The following TTC5 variants were observed in gnomAD, a reference collection of about 807,000 sequenced individuals.
The protein encoded by TTC5 is tetratricopeptide repeat domain 5, also known as tetratricopeptide repeat protein 5.
Under a neutral mutation model 57.4 loss-of-function variants are expected in TTC5, and 46 were observed. The ratio of observed to expected loss-of-function variants is 0.80; its 90% confidence interval spans 0.63 to 1.03. The LOEUF (loss-of-function observed/expected upper bound fraction) is 1.03. TTC5 is among the 50% of genes least tolerant of loss of function. TTC5 has a pLI of 0.00. For missense variants in TTC5, 504 were observed against 528.1 expected, an observed-to-expected ratio of 0.95 and a Z score of 0.45; for synonymous variants, 190 against 203.5, an observed-to-expected ratio of 0.93 and a Z score of 0.57.
chr14:20,303,080 T>G (rs893337599), intron 1 of TTC5, among the ~76,000 whole-genome samples: 17 of 151,864 alleles, frequency 1.1e-4, no homozygotes, highest in Admixed American at 7.2e-4. Flanking sequence ...TAGTCCCACC[T>G]ACTCGGGAGG....
chr14:20,304,752 G>A (rs150475049), intron 1 of TTC5, among the ~76,000 whole-genome samples: 2 of 152,130 alleles, frequency 1.3e-5, no homozygotes, highest in South Asian at 2.1e-4. Flanking sequence ...TTTTAGAGAA[G>A]GGCTTATTGA....
intron 3 of TTC5, 86 bp downstream of exon 3, chr14:20,300,521 G>A: frequency 8.6e-7 from 1 of 1,168,014 alleles, no homozygotes; most frequent in Non-Finnish European, 1.2e-6. Context: ...GTTCTACTCT[G>A]GTATTCATGT....
chr14:20,296,499 G>A (rs373138356), intron 5 of TTC5, 53 bp from the exon 6 acceptor site: 114 of 1,411,112 alleles, frequency 8.1e-5, no homozygotes, highest in Middle Eastern at 1.8e-4. Flanking sequence ...GTTAAGGACT[G>A]ACATGCCCAA....
At position 20,298,836 on chromosome 14, in the gene TTC5, A is replaced by G. The variant is rs1882120929; in HGVS notation, c.600T>C (p.Pro200=). The G allele has an allele frequency of 2.5e-6, 4 of 1,614,054 alleles. No individual in the cohort carries two copies. The highest frequency in any genetic ancestry group is 3.4e-6 in the Non-Finnish European group (4 of 1,179,872). Residue 200 remains proline, a synonymous_variant, in exon 5 of 10, where the codon CCT becomes CCC. Coordinates refer to ENST00000258821, the MANE Select transcript of TTC5 (RefSeq NM_138376.3). ...LSLYFSTGQN[P]KISQQALSAY... ...CACTGAGGGCTTGCTGGGAGATCTT[A>G]GGGTTCTGGCCAGTAGAGAAGTAAA...
intron 3 of TTC5, among the ~76,000 whole-genome samples, chr14:20,300,157 T>TATA: frequency 9.6e-4 from 71 of 73,780 alleles, no homozygotes; most frequent in South Asian, 1.6e-3. Context: ...ATATATATAT[T>TATA]TTTTTTTTTT....
At chr14:20,296,288 G>C in intron 6 of TTC5, 102 bp downstream of exon 6, 1 of 948,506 alleles carries the variant, frequency 1.1e-6, no homozygotes, top group Non-Finnish European at 1.7e-6. Context: ...CTCGCAGTCT[G>C]TACCCAATCT....
chr14:20,304,697 C>G (rs1882255939), intron 1 of TTC5, among the ~76,000 whole-genome samples: 1 of 152,154 alleles, frequency 6.6e-6, no homozygotes, highest in South Asian at 2.1e-4. Flanking sequence ...AAAATTACAA[C>G]CAATTTCCTT....
At chr14:20,298,275 T>G (rs189296807) in intron 5 of TTC5, among the ~76,000 whole-genome samples, 59 of 152,294 alleles carry the variant, frequency 3.9e-4, no homozygotes, top group African/African-American at 1.3e-3. Context: ...ATAAATTTCT[T>G]GAAAACCTAA....
chr14:20,300,658 T>C lies in TTC5; in HGVS notation c.345A>G (p.Lys115=), dbSNP rs747566228. Residue 115 remains lysine (K), a synonymous_variant, in exon 3 of 10, where the codon AAA becomes AAG. Transcript: ENST00000258821. ...TGTGGGCAGCTGCAACATCCCCTTTTTTCCAGTACACCTCACCCAGCTGGT... is the reference window on the plus strand; with the variant it reads ...TGTGGGCAGCTGCAACATCCCCTTTCTTCCAGTACACCTCACCCAGCTGGT... ...AWNQLGEVYW[K]KGDVAAAHTC... 4.3e-6 allele frequency: 7 copies of C among 1,614,044 alleles called. No individual in the cohort carries two copies. The highest frequency in any genetic ancestry group is 5.9e-6 in the Non-Finnish European group (7 of 1,180,004).
At chr14:20,299,000 G>A (rs927462460) in intron 4 of TTC5, 112 bp from the exon 5 acceptor site, 3 of 866,954 alleles carry the variant, frequency 3.5e-6, no homozygotes, top group South Asian at 1.6e-5. Flanking sequence ...TCCAAACCAG[G>A]AATGACACGA....
At chr14:20,295,193 G>A (rs1882033854) in intron 8 of TTC5, 119 bp downstream of exon 8, 2 of 873,836 alleles carry the variant, frequency 2.3e-6, no homozygotes, top group Admixed American at 4.3e-5. Flanking sequence ...GTCACAGAAG[G>A]AAATCAGAAG....
At chr14:20,299,471 C>G (rs1882137181) in intron 3 of TTC5, 23 bp from the exon 4 acceptor site, 1 of 1,610,594 alleles carries the variant, frequency 6.2e-7, no homozygotes, top group African/African-American at 1.3e-5. Context: ...AGGGCACATA[C>G]TCAATCTTCC....
chr14:20,299,481 C>T lies in TTC5; in HGVS notation c.397-33G>A, dbSNP rs747929401. ...TAGGAAGGGCACATACTCAATCTTC[C>T]TGATTCTACCTCCCCTTTCCAGATC... On this transcript the variant is annotated intron_variant, in intron 3 of 9. Coordinates refer to ENST00000258821, the MANE Select transcript of TTC5 (RefSeq NM_138376.3). The T allele has an allele frequency of 5.6e-6, 9 of 1,603,706 alleles. No homozygotes were observed. In the Admixed American group the frequency reaches 1.2e-4, roughly 21 times the overall value.
At chr14:20,301,056 G>C (rs576078762) in intron 2 of TTC5, among the ~76,000 whole-genome samples, 2 of 152,278 alleles carry the variant, frequency 1.3e-5, no homozygotes, top group African/African-American at 4.8e-5. Flanking sequence ...TATCTACAAG[G>C]ATCAGCTCGG....
rs891273120 is a variant in TTC5, at chr14:20,300,478, C to T, written c.396+129G>A. 14 of 797,726 alleles carry T rather than the reference C, an allele frequency of 1.8e-5. No homozygotes were observed. In the African/African-American group the frequency reaches 2.3e-4, roughly 13 times the overall value. The allele number at this position is 797,726 out of a possible 1,614,324, so 49.4% of individuals were successfully genotyped here. ...CATTCAGGTCTGCTCTCTGACCTTT[C>T]CTCCCTCCTGATTCTGTCCTAGTTC... is the stretch of plus-strand genomic sequence containing the variant. On this transcript the variant is annotated intron_variant, in intron 3 of 9. Coordinates refer to ENST00000258821, the MANE Select transcript of TTC5 (RefSeq NM_138376.3).
At chr14:20,295,258 G>A (rs1882034881) in intron 8 of TTC5, 54 bp downstream of exon 8, 1 of 1,532,948 alleles carries the variant, frequency 6.5e-7, no homozygotes, top group Non-Finnish European at 9.0e-7. Flanking sequence ...AGAACAGGAA[G>A]TGAGAGCAAT....
intron 9 of TTC5, among the ~76,000 whole-genome samples, chr14:20,290,307 T>C (rs1881927881): frequency 6.6e-6 from 1 of 152,224 alleles, no homozygotes; most frequent in East Asian, 1.9e-4. Flanking sequence ...TATTTTAAGT[T>C]GTAAAACATA....
In TTC5 at chr14:20,300,634, G is replaced by A. The variant is rs749507791; in HGVS notation, c.369C>T (p.His123=). The change falls in exon 3 of 10, where the codon CAC becomes CAT. Residue 123 remains histidine (H), a synonymous_variant. Transcript: ENST00000258821. ...YWKKGDVAAA[H]TCFSGALTHC... ...GGGTGAGGGCTCCTGAGAAGCAGGT[G>A]TGGGCAGCTGCAACATCCCCTTTTT... The A allele has an allele frequency of 1.1e-5, 17 of 1,613,246 alleles. No individual in the cohort carries two copies. Among genetic ancestry groups the A allele is most frequent in the Middle Eastern group, 1.7e-4 (1 of 5,800 alleles).
intron 8 of TTC5, chr14:20,292,997 A>G (rs1881990283): frequency 6.6e-6 from 1 of 152,212 alleles, no homozygotes; most frequent in Non-Finnish European, 1.5e-5. Flanking sequence ...GGTTATACAG[A>G]TATTTTCCAT....
Sources: allele counts gnomAD v4.1 joint callset (sites outside exome capture counted in the v4.1 genomes callset), GRCh38; gene constraint gnomAD v4.1.1; transcripts MANE v1.5; gene names NCBI Gene and HGNC (gene_info 2026-07-23, HGNC 2026-07-21).